NAA15: variants seen among roughly 807,000 people sequenced by gnomAD.
The protein encoded by NAA15 is N-terminal acetyltransferase.
Under a neutral mutation model 114.0 loss-of-function variants are expected in NAA15, and 34 were observed. That is an observed-to-expected ratio of 0.30 (90% CI 0.23 to 0.40). The LOEUF (loss-of-function observed/expected upper bound fraction) is 0.40, where lower values mean the gene tolerates loss of function less well. Among genes scored for constraint, NAA15 ranks in the 10% least tolerant of loss-of-function variants. The probability of loss-of-function intolerance (pLI) is 1.00; values close to 1 mark genes in which losing one functional copy is unlikely to be tolerated. For synonymous variants in NAA15, 340 were observed against 338.0 expected (o/e 1.01, Z -0.06); for missense variants, 658 against 1,004.5 (o/e 0.66, Z 4.66).
intron 15 of NAA15, among the ~76,000 whole-genome samples, chr4:139,372,332 T>C (rs1748464920): frequency 6.6e-6 from 1 of 152,200 alleles, no homozygotes; most frequent in Non-Finnish European, 1.5e-5. Context: ...AGGTTTTCCT[T>C]GGGTCCAGGG....
chr4:139,335,065 A>G (rs2110897602), intron 2 of NAA15, among the ~76,000 whole-genome samples: 1 of 152,200 alleles, frequency 6.6e-6, no homozygotes, highest in Non-Finnish European at 1.5e-5. Flanking sequence ...ACTCCTAATG[A>G]TCCCAACCCT....
At chr4:139,337,435 G>A (rs1187220977) in intron 3 of NAA15, among the ~76,000 whole-genome samples, 3 of 152,122 alleles carry the variant, frequency 2.0e-5, no homozygotes, top group African/African-American at 7.2e-5. Context: ...TTCTTTCTGT[G>A]TGATCTTAGA....
intron 19 of NAA15, among the ~76,000 whole-genome samples, chr4:139,386,895 T>G (rs1748923460): frequency 6.6e-6 from 1 of 152,124 alleles, no homozygotes; most frequent in African/African-American, 2.4e-5. Context: ...CAATATGAGA[T>G]TAAGTTAAAT....
chr4:139,344,710 A>G (rs562092842), intron 6 of NAA15, among the ~76,000 whole-genome samples: 105 of 152,368 alleles, frequency 6.9e-4, no homozygotes, highest in African/African-American at 2.4e-3. Context: ...TAGTGTATGT[A>G]GTATGTGCCA....
chr4:139,357,448 T>A lies in NAA15; in HGVS notation c.1150T>A (p.Tyr384Asn). The change falls in exon 11 of 20, where the codon TAT becomes AAT. Residue 384 changes from tyrosine to asparagine, a missense_variant. By Grantham distance (143) the Tyr-to-Asn change is moderately radical. Coordinates refer to ENST00000296543, the MANE Select transcript of NAA15 (RefSeq NM_057175.5). The stretch of plus-strand genomic sequence containing the variant: ...GGTCCAGTACTACTTGGCACAACAT[T>A]ATGACAAAATTGGTCAGCCATCTAT... ...LWVQYYLAQH[Y>N]DKIGQPSIAL... is the part of the protein sequence containing the mutation. The A allele has an allele frequency of 6.2e-7, 1 of 1,613,974 alleles. No homozygotes were observed. The highest frequency in any genetic ancestry group is 1.1e-5 in the South Asian group (1 of 91,084).
chr4:139,362,027 C>T, intron 14 of NAA15, 90 bp downstream of exon 14: 1 of 806,138 alleles, frequency 1.2e-6, no homozygotes, highest in East Asian at 2.7e-5. Flanking sequence ...TGCTCCATGT[C>T]TTGAGCACCA....
intron 14 of NAA15, among the ~76,000 whole-genome samples, chr4:139,365,657 G>A (rs1748259221): frequency 6.6e-6 from 1 of 151,864 alleles, no homozygotes; most frequent in African/African-American, 2.4e-5. Context: ...GGGCAACATG[G>A]TGAAACTGTC....
At chr4:139,319,600 G>C (rs1002189905) in intron 1 of NAA15, among the ~76,000 whole-genome samples, 1 of 151,198 alleles carries the variant, frequency 6.6e-6, no homozygotes, top group African/African-American at 2.4e-5. Flanking sequence ...CATGCCTGGA[G>C]AATTGTGTAT....
At chr4:139,308,916 C>T (rs1001829240) in intron 1 of NAA15, among the ~76,000 whole-genome samples, 1 of 151,912 alleles carries the variant, frequency 6.6e-6, no homozygotes, top group African/African-American at 2.4e-5. Context: ...CGCACCCTGC[C>T]GGTAATCGTA....
intron 14 of NAA15, among the ~76,000 whole-genome samples, chr4:139,369,547 G>A (rs1488386300): frequency 6.6e-6 from 1 of 152,014 alleles, no homozygotes; most frequent in Non-Finnish European, 1.5e-5. Context: ...AGACCAGCCT[G>A]ACCAACATGG....
chr4:139,346,234 C>T (rs1747577487), intron 6 of NAA15, among the ~76,000 whole-genome samples: 1 of 152,062 alleles, frequency 6.6e-6, no homozygotes, highest in Admixed American at 6.6e-5. Flanking sequence ...AAGTGGCGGG[C>T]AAGTAAATGT....
chr4:139,380,527 G>A (rs904964268), intron 17 of NAA15, among the ~76,000 whole-genome samples: 1 of 152,154 alleles, frequency 6.6e-6, no homozygotes, highest in Non-Finnish European at 1.5e-5. Context: ...TAATCAGTAT[G>A]TAGATTGATT....
chr4:139,313,574 T>G (rs913285986), intron 1 of NAA15, among the ~76,000 whole-genome samples: 1 of 151,182 alleles, frequency 6.6e-6, no homozygotes, highest in Non-Finnish European at 1.5e-5. Context: ...GGAGTTTCGC[T>G]TTTGTTGCCG....
chr4:139,357,407 C>A lies in NAA15; in HGVS notation c.1109C>A (p.Pro370Gln). 6.2e-7 allele frequency: 1 copy of A among 1,613,716 alleles called. No homozygotes were observed. Among genetic ancestry groups the A allele is most frequent in the Non-Finnish European group, 8.5e-7 (1 of 1,179,830 alleles). Reference protein sequence around the residue: ...NPNDDGKEEPPTTLLWVQYYL... With the variant: ...NPNDDGKEEPQTTLLWVQYYL... The stretch of plus-strand genomic sequence containing the variant: ...TAAGATGATGGAAAGGAGGAACCAC[C>A]AACCACATTACTTTGGGTCCAGTAC... Residue 370 changes from proline to glutamine, a missense_variant, in exon 11 of 20, where the codon CCA (proline) becomes CAA (glutamine). This residue lies in a region of NAA15 where 281 missense variants were observed against 389.1 expected (regional missense o/e 0.72). Coordinates refer to ENST00000296543, the MANE Select transcript of NAA15 (RefSeq NM_057175.5).
At chr4:139,319,122 C>T (rs982774738) in intron 1 of NAA15, among the ~76,000 whole-genome samples, 6 of 152,040 alleles carry the variant, frequency 3.9e-5, no homozygotes, top group Non-Finnish European at 7.4e-5. Flanking sequence ...GGTGAAACCC[C>T]GTCTCTACTG....
Position 139,301,687 on chromosome 4 carries a change from C to G in NAA15, c.-91C>G. 1 of 1,443,780 alleles carries G rather than the reference C, an allele frequency of 6.9e-7. No individual in the cohort carries two copies. Among genetic ancestry groups the G allele is most frequent in the South Asian group, 1.3e-5 (1 of 77,856 alleles). 89.4% of individuals were successfully genotyped at this position (1,443,780 alleles called of 1,614,324 possible). On this transcript the variant is annotated 5_prime_UTR_variant, in exon 1 of 20. Coordinates refer to ENST00000296543, the MANE Select transcript of NAA15 (RefSeq NM_057175.5). ...TGGCGGCGGATCGAGATATTCAAGG[C>G]TGAAGCAGCTACGGAACGGCAGCGG... is the stretch of plus-strand genomic sequence containing the variant.
In NAA15 at chr4:139,370,472, G is replaced by A. The variant is rs1748405646; in HGVS notation, c.1947+68G>A. The A allele has an allele frequency of 4.8e-6, 7 of 1,446,152 alleles. No individual in the cohort carries two copies. The Admixed American group carries it at 7.6e-5, about 16-fold the overall frequency. The allele number at this position is 1,446,152 out of a possible 1,614,324, so 89.6% of individuals were successfully genotyped here. On this transcript the variant is annotated intron_variant, in intron 15 of 19. Coordinates refer to ENST00000296543, the MANE Select transcript of NAA15 (RefSeq NM_057175.5). Reference sequence around the variant, plus strand: ...GACCAGCTCTTGTCATTTTTATACTGTCTTATTTGACAGTATATAACCTTA... The same window carrying A: ...GACCAGCTCTTGTCATTTTTATACTATCTTATTTGACAGTATATAACCTTA...
At chr4:139,371,221 C>T (rs983717319) in intron 15 of NAA15, among the ~76,000 whole-genome samples, 1 of 152,030 alleles carries the variant, frequency 6.6e-6, no homozygotes, top group Non-Finnish European at 1.5e-5. Context: ...AATTATAATG[C>T]CAAACAAATA....
intron 9 of NAA15, among the ~76,000 whole-genome samples, chr4:139,353,265 G>C (rs758997853): frequency 3.9e-5 from 6 of 152,156 alleles, no homozygotes; most frequent in Non-Finnish European, 8.8e-5. Flanking sequence ...TAGTAGGCTT[G>C]TAGCTCAGCT....
Sources: allele counts gnomAD v4.1 joint callset (sites outside exome capture counted in the v4.1 genomes callset), GRCh38; gene constraint gnomAD v4.1.1; regional missense constraint gnomAD v4.1.1; transcripts MANE v1.5; gene names NCBI Gene and HGNC (gene_info 2026-07-23, HGNC 2026-07-21).